Variants in BMPR1B observed in about 807,000 individuals in gnomAD.
BMPR1B encodes the protein bone morphogenetic protein receptor type 1B, also known as bone morphogenetic protein receptor type-1B.
Under a neutral mutation model 59.1 loss-of-function variants are expected in BMPR1B, and 12 were observed. The ratio of observed to expected loss-of-function variants is 0.20; its 90% CI spans 0.13 to 0.33. BMPR1B has a LOEUF of 0.33. Among genes scored for constraint, BMPR1B ranks in the 10% least tolerant of loss-of-function variants. The pLI is 1.00. For synonymous variants in BMPR1B, 237 were observed against 207.3 expected (o/e 1.14, Z -1.23); for missense variants, 550 against 610.9 (o/e 0.90, Z 1.05).
chr4:94,840,934 G>A (rs1263264774), intron 1 of BMPR1B, among the ~76,000 whole-genome samples: 1 of 146,728 alleles, frequency 6.8e-6, no homozygotes, highest in Non-Finnish European at 1.5e-5. Flanking sequence ...TGTACAGATG[G>A]GTTTTTGGTG....
At chr4:95,151,174 C>T (rs1372860449) in intron 11 of BMPR1B, among the ~76,000 whole-genome samples, 1 of 152,148 alleles carries the variant, frequency 6.6e-6, no homozygotes, top group Non-Finnish European at 1.5e-5. Flanking sequence ...AGTTAAATGG[C>T]AGCTAACAGG....
chr4:94,849,235 A>T (rs929564683), intron 1 of BMPR1B, among the ~76,000 whole-genome samples: 1 of 152,074 alleles, frequency 6.6e-6, no homozygotes, highest in African/African-American at 2.4e-5. Flanking sequence ...TCAGGAGTGC[A>T]TATGTGTCCT....
chr4:94,882,526 CATCTT>C (rs1433991742), intron 2 of BMPR1B, among the ~76,000 whole-genome samples: 1 of 152,150 alleles, frequency 6.6e-6, no homozygotes. Context: ...TATGTTGTTT[CATCTT>C]ATCTTGTCAA....
At chr4:94,884,290 CTGAGA>C (rs1255841416) in intron 2 of BMPR1B, among the ~76,000 whole-genome samples, 3 of 152,132 alleles carry the variant, frequency 2.0e-5, no homozygotes, top group Non-Finnish European at 4.4e-5. Flanking sequence ...CTTTGGGAGG[CTGAGA>C]TGAGTGGATC....
intron 2 of BMPR1B, among the ~76,000 whole-genome samples, chr4:94,893,941 C>A (rs1727492299): frequency 6.6e-6 from 1 of 151,954 alleles, no homozygotes; most frequent in South Asian, 2.1e-4. Flanking sequence ...TTGTCCTTGG[C>A]AGTTCTTGAG....
rs28880074 is a variant in BMPR1B, at chr4:94,846,968, A to G, written c.-182-28863A>G. Among the ~76,000 whole-genome samples, 1,129 of 152,258 alleles carry G rather than the reference A, an allele frequency of 7.4e-3. 17 individuals are homozygous for G. Among genetic ancestry groups the G allele is most frequent in the African/African-American group, 0.026 (1,081 of 41,558 alleles). The stretch of plus-strand genomic sequence containing the variant: ...GACAAATGGCATTATATCAAGTTAC[A>G]AAGCTTCTGTACTGTAAAAGAAAGT... On this transcript the variant is annotated intron_variant, in intron 1 of 12. Transcript: ENST00000515059.
At chr4:94,782,881 G>A (rs376361775) in intron 1 of BMPR1B, among the ~76,000 whole-genome samples, 39 of 151,870 alleles carry the variant, frequency 2.6e-4, no homozygotes, top group African/African-American at 7.5e-4. Context: ...GTAATTTTCT[G>A]TTGAGAACTG....
chr4:94,904,762 C>A (rs1243009698), intron 2 of BMPR1B, among the ~76,000 whole-genome samples: 6 of 151,958 alleles, frequency 3.9e-5, no homozygotes, highest in Non-Finnish European at 5.9e-5. Context: ...TGGTTTTGAA[C>A]CTACTCACTT....
intron 2 of BMPR1B, among the ~76,000 whole-genome samples, chr4:94,929,266 T>A (rs13142031): frequency 0.41 from 62,914 of 151,944 alleles, 14,172 homozygotes; most frequent in African/African-American, 0.6. Context: ...ACTTGGGCAG[T>A]GTGACTTGCA....
chr4:95,028,220 G>C (rs1164851704), intron 3 of BMPR1B, among the ~76,000 whole-genome samples: 1 of 152,096 alleles, frequency 6.6e-6, no homozygotes, highest in Non-Finnish European at 1.5e-5. Flanking sequence ...TTTCCCATAA[G>C]TATAGCTCAG....
At chr4:94,855,352 A>G (rs1725714889) in intron 1 of BMPR1B, among the ~76,000 whole-genome samples, 1 of 152,226 alleles carries the variant, frequency 6.6e-6, no homozygotes, top group African/African-American at 2.4e-5. Flanking sequence ...ATCTTGCTCA[A>G]GGTCACACAG....
chr4:95,081,692 T>TA (rs1365262576), intron 3 of BMPR1B, among the ~76,000 whole-genome samples: 1 of 152,198 alleles, frequency 6.6e-6, no homozygotes, highest in East Asian at 1.9e-4. Context: ...ACCTATATTG[T>TA]AACTTTTAAG....
At chr4:95,144,478 CTTTT>C (rs33917101) in intron 10 of BMPR1B, among the ~76,000 whole-genome samples, 46 of 149,644 alleles carry the variant, frequency 3.1e-4, no homozygotes, top group South Asian at 6.3e-4. Context: ...CACACCAGGC[CTTTT>C]TTTTTTTTAA....
chr4:94,888,461 C>A (rs895864679), intron 2 of BMPR1B, among the ~76,000 whole-genome samples: 1 of 151,958 alleles, frequency 6.6e-6, no homozygotes, highest in Non-Finnish European at 1.5e-5. Context: ...TATGATTTTT[C>A]ATAATAGCAT....
At chr4:94,797,709 G>A (rs1239141516) in intron 1 of BMPR1B, among the ~76,000 whole-genome samples, 3 of 152,116 alleles carry the variant, frequency 2.0e-5, no homozygotes, top group South Asian at 2.1e-4. Context: ...AACACATTTC[G>A]GACCTTTGCT....
chr4:94,856,004 T>C (rs1725740798), intron 1 of BMPR1B, among the ~76,000 whole-genome samples: 1 of 152,194 alleles, frequency 6.6e-6, no homozygotes, highest in Non-Finnish European at 1.5e-5. Context: ...TCCAGTTTTC[T>C]GCTAAAAGAC....
chr4:94,875,284 A>G (rs896360437), intron 1 of BMPR1B, among the ~76,000 whole-genome samples: 16 of 152,230 alleles, frequency 1.1e-4, no homozygotes, highest in Admixed American at 2.6e-4. Flanking sequence ...CTTGATCTCT[A>G]CTACAGTGCT....
intron 2 of BMPR1B, among the ~76,000 whole-genome samples, chr4:94,951,698 G>A (rs1374496829): frequency 6.6e-6 from 1 of 152,180 alleles, no homozygotes; most frequent in Non-Finnish European, 1.5e-5. Context: ...ATATTCATCA[G>A]CGATATTGGC....
chr4:94,792,998 A>G, intron 1 of BMPR1B, among the ~76,000 whole-genome samples: 1 of 52,552 alleles, frequency 1.9e-5, no homozygotes, highest in Middle Eastern at 0.013. Flanking sequence ...AAGGATCTAT[A>G]GAAAACTTTT....
Sources: allele counts gnomAD v4.1 joint callset (sites outside exome capture counted in the v4.1 genomes callset), GRCh38; gene constraint gnomAD v4.1.1; transcripts MANE v1.5; gene names NCBI Gene and HGNC (gene_info 2026-07-23, HGNC 2026-07-21).